Variants in CNTNAP2 observed in about 807,000 individuals in gnomAD.
The protein encoded by CNTNAP2 is contactin-associated protein-like 2.
Under a neutral mutation model 155.2 loss-of-function variants are expected in CNTNAP2, and 98 were observed. That is an observed-to-expected ratio of 0.63 (90% CI 0.54 to 0.75). The LOEUF (loss-of-function observed/expected upper bound fraction) is 0.75, where lower values mean the gene tolerates loss of function less well. Among genes scored for constraint, CNTNAP2 ranks in the 30% least tolerant of loss-of-function variants. CNTNAP2 has a pLI of 0.00. For missense variants in CNTNAP2, 1,727 were observed against 1,688.1 expected, an observed-to-expected ratio of 1.02 and a Z score of -0.40; for synonymous variants, 651 against 631.2, an observed-to-expected ratio of 1.03 and a Z score of -0.47.
chr7:147,280,825 C>T (rs1215553143), intron 8 of CNTNAP2, among the ~76,000 whole-genome samples: 2 of 151,778 alleles, frequency 1.3e-5, no homozygotes, highest in Non-Finnish European at 2.9e-5. Flanking sequence ...AGTAAGATAT[C>T]CTTTTCATTG....
chr7:146,407,389 C>G (rs1234582196), intron 1 of CNTNAP2, among the ~76,000 whole-genome samples: 1 of 152,062 alleles, frequency 6.6e-6, no homozygotes, highest in Non-Finnish European at 1.5e-5. Context: ...CCATATTGAG[C>G]AAACATTCAA....
chr7:148,392,614 G>A (rs898082812), intron 22 of CNTNAP2, among the ~76,000 whole-genome samples: 5 of 152,164 alleles, frequency 3.3e-5, no homozygotes, highest in African/African-American at 1.2e-4. Context: ...TCCTCCAACA[G>A]GGAAGTGGGT....
intron 2 of CNTNAP2, among the ~76,000 whole-genome samples, chr7:146,815,171 T>C (rs556051107): frequency 4.6e-5 from 7 of 152,262 alleles, no homozygotes; most frequent in African/African-American, 1.7e-4. Flanking sequence ...TGTTAATCTG[T>C]TAGAAGATAG....
chr7:148,181,278 CTG>C (rs2116703932), intron 18 of CNTNAP2, among the ~76,000 whole-genome samples: 1 of 151,990 alleles, frequency 6.6e-6, no homozygotes, highest in African/African-American at 2.4e-5. Context: ...TCTATATAGT[CTG>C]TTGATTATGT....
chr7:147,069,921 A>G (rs1799856648), intron 4 of CNTNAP2, among the ~76,000 whole-genome samples: 1 of 152,214 alleles, frequency 6.6e-6, no homozygotes, highest in African/African-American at 2.4e-5. Flanking sequence ...AGTTCAATTA[A>G]TCATATTGGG....
chr7:146,873,084 T>A (rs1363286843), intron 3 of CNTNAP2, among the ~76,000 whole-genome samples: 1 of 152,236 alleles, frequency 6.6e-6, no homozygotes, highest in African/African-American at 2.4e-5. Context: ...AACAGTTGAT[T>A]TAAACTTCTA....
In CNTNAP2 at chr7:147,482,339, T is replaced by A. The variant is rs1439467194; in HGVS notation, c.1671-3596T>A. Among the ~76,000 whole-genome samples, 3 of 152,138 alleles carry A rather than the reference T, an allele frequency of 2.0e-5. No individual in the cohort carries two copies. The East Asian group carries it at 5.8e-4, about 29-fold the overall frequency. ...ATGGCGATAGGGTTTGCAATTATATTTGAACAAGTTGGTTAGGAAATAAAA... is the reference window on the plus strand; with the variant it reads ...ATGGCGATAGGGTTTGCAATTATATATGAACAAGTTGGTTAGGAAATAAAA... On this transcript the variant is annotated intron_variant, in intron 10 of 23. Transcript: ENST00000361727.
intron 1 of CNTNAP2, among the ~76,000 whole-genome samples, chr7:146,631,966 T>G (rs1275346767): frequency 6.6e-6 from 1 of 152,200 alleles, no homozygotes; most frequent in Admixed American, 6.5e-5. Flanking sequence ...AGATAAAAAT[T>G]GATTAAAAGT....
At chr7:147,014,600 AT>A (rs1168383075) in intron 3 of CNTNAP2, among the ~76,000 whole-genome samples, 1 of 152,160 alleles carries the variant, frequency 6.6e-6, no homozygotes, top group Non-Finnish European at 1.5e-5. Context: ...GTTTAACATA[AT>A]GTTCAAATCC....
chr7:147,688,502 C>T (rs1796046544), intron 13 of CNTNAP2, among the ~76,000 whole-genome samples: 1 of 152,150 alleles, frequency 6.6e-6, no homozygotes, highest in African/African-American at 2.4e-5. Flanking sequence ...ACTCCCAGAA[C>T]AGCCTATCAG....
chr7:147,961,091 C>T (rs1434196067), intron 14 of CNTNAP2, among the ~76,000 whole-genome samples: 2 of 151,980 alleles, frequency 1.3e-5, no homozygotes, highest in African/African-American at 4.8e-5. Flanking sequence ...AATTCTGTCT[C>T]CCCTCACATC....
chr7:146,966,281 A>T (rs1797655383), intron 3 of CNTNAP2, among the ~76,000 whole-genome samples: 1 of 152,206 alleles, frequency 6.6e-6, no homozygotes, highest in South Asian at 2.1e-4. Flanking sequence ...TGTATGCTTT[A>T]TGAAAGGCAC....
chr7:146,691,419 T>G (rs1169436433), intron 1 of CNTNAP2, among the ~76,000 whole-genome samples: 2 of 152,132 alleles, frequency 1.3e-5, no homozygotes, highest in Non-Finnish European at 2.9e-5. Context: ...AACACTTACA[T>G]TAGTCTACAG....
chr7:147,684,437 T>C (rs1250833868), intron 13 of CNTNAP2, among the ~76,000 whole-genome samples: 1 of 151,922 alleles, frequency 6.6e-6, no homozygotes. Context: ...AACACCTCTT[T>C]ATATCTTGAC....
chr7:147,271,997 A>T (rs1352558694), intron 8 of CNTNAP2, among the ~76,000 whole-genome samples: 6 of 151,968 alleles, frequency 3.9e-5, no homozygotes, highest in Admixed American at 3.9e-4. Context: ...GGTTCAAGCA[A>T]TTCTCATGCC....
intron 13 of CNTNAP2, among the ~76,000 whole-genome samples, chr7:147,797,960 A>G (rs1019925266): frequency 6.6e-6 from 1 of 152,166 alleles, no homozygotes; most frequent in African/African-American, 2.4e-5. Flanking sequence ...AAATAACACT[A>G]TGTTGCTACT....
intron 13 of CNTNAP2, among the ~76,000 whole-genome samples, chr7:147,745,943 A>G (rs1797034881): frequency 1.3e-5 from 2 of 152,240 alleles, no homozygotes; most frequent in South Asian, 4.2e-4. Flanking sequence ...AGAATAATAT[A>G]TTCAATGAAC....
chr7:147,817,497 T>G (rs1263642806), intron 13 of CNTNAP2, among the ~76,000 whole-genome samples: 1 of 152,188 alleles, frequency 6.6e-6, no homozygotes, highest in Non-Finnish European at 1.5e-5. Flanking sequence ...TATGGCGCAG[T>G]GTATATTGCT....
intron 3 of CNTNAP2, among the ~76,000 whole-genome samples, chr7:146,931,506 C>G (rs182662838): frequency 3.2e-4 from 48 of 150,386 alleles, no homozygotes; most frequent in Non-Finnish European, 5.6e-4. Context: ...AACTGACACC[C>G]TAACATCACA....
Sources: allele counts gnomAD v4.1 joint callset (sites outside exome capture counted in the v4.1 genomes callset), GRCh38; gene constraint gnomAD v4.1.1; transcripts MANE v1.5; gene names NCBI Gene and HGNC (gene_info 2026-07-23, HGNC 2026-07-21).